PITPNC1: variants seen among roughly 807,000 people sequenced by gnomAD.
PITPNC1 encodes phosphatidylinositol transfer protein cytoplasmic 1, also known as cytoplasmic phosphatidylinositol transfer protein 1.
Under a neutral mutation model 44.7 loss-of-function variants are expected in PITPNC1, and 18 were observed. The ratio of observed to expected loss-of-function variants is 0.40; its 90% confidence interval spans 0.28 to 0.60. The LOEUF (loss-of-function observed/expected upper bound fraction) is 0.60, where lower values mean the gene tolerates loss of function less well. PITPNC1 is among the 20% of genes least tolerant of loss of function. The pLI is 0.39. For missense variants in PITPNC1, 290 were observed against 418.4 expected (o/e 0.69, Z 2.68); for synonymous variants, 141 against 149.6 (o/e 0.94, Z 0.42).
At chr17:67,491,504 G>A (rs2039864468) in intron 1 of PITPNC1, among the ~76,000 whole-genome samples, 3 of 152,180 alleles carry the variant, frequency 2.0e-5, no homozygotes, top group African/African-American at 7.2e-5. Context: ...AGCTGATGTG[G>A]CACAGAGCAC....
chr17:67,480,755 T>G (rs897700093), intron 1 of PITPNC1, among the ~76,000 whole-genome samples: 8 of 152,194 alleles, frequency 5.3e-5, no homozygotes, highest in Non-Finnish European at 1.2e-4. Flanking sequence ...TCTCACATAT[T>G]TTGCCATCAT....
intron 5 of PITPNC1, among the ~76,000 whole-genome samples, chr17:67,579,982 T>C (rs1183352822): frequency 6.6e-6 from 1 of 150,480 alleles, no homozygotes; most frequent in African/African-American, 2.4e-5. Flanking sequence ...ACTTGGAGAA[T>C]GCAAAAAGAA....
intron 1 of PITPNC1, among the ~76,000 whole-genome samples, chr17:67,507,741 CA>C (rs1220438587): frequency 1.3e-5 from 2 of 149,756 alleles, no homozygotes; most frequent in African/African-American, 4.9e-5. Context: ...GCTGGGAGAC[CA>C]GGGGCAGGAG....
intron 5 of PITPNC1, among the ~76,000 whole-genome samples, chr17:67,629,552 C>T (rs2041940021): frequency 6.6e-6 from 1 of 152,226 alleles, no homozygotes; most frequent in African/African-American, 2.4e-5. Context: ...GCTGGGCTTA[C>T]AGGTGTGAGC....
rs188590407 is a variant in PITPNC1, at chr17:67,379,837, C to T, written c.48+1635C>T. On this transcript the variant is annotated intron_variant, in intron 1 of 8. Transcript: ENST00000581322. The stretch of plus-strand genomic sequence containing the variant: ...AGCAATGTTGGGACTGCATGAAATA[C>T]ACAGAAAATTGCAGGTGATAATCAA... Among the ~76,000 whole-genome samples the T allele has an allele frequency of 1.0e-3, 154 of 152,268 alleles. 1 individual carries two copies. The highest frequency in any genetic ancestry group is 3.7e-3 in the African/African-American group (152 of 41,548).
chr17:67,608,629 T>TA (rs1053784061), intron 5 of PITPNC1, among the ~76,000 whole-genome samples: 13 of 151,148 alleles, frequency 8.6e-5, no homozygotes, highest in South Asian at 2.1e-4. Context: ...CAGCTGGGAC[T>TA]ACAGGCATGC....
intron 1 of PITPNC1, among the ~76,000 whole-genome samples, chr17:67,521,263 T>C (rs2040321732): frequency 6.6e-6 from 1 of 152,230 alleles, no homozygotes; most frequent in African/African-American, 2.4e-5. Context: ...CAATACAGTT[T>C]ATATTAGTTT....
chr17:67,378,117 C>G lies in PITPNC1; in HGVS notation c.-38C>G. ...AGCCTTGCTGGTCTTGGGGGCGCCC[C>G]CCGCTTCCCGCCCCGGGGGTCCGCG... On this transcript the variant is annotated 5_prime_UTR_variant, in exon 1 of 9. Transcript: ENST00000581322. The G allele has an allele frequency of 1.3e-6, 2 of 1,489,704 alleles. No homozygotes were observed. The highest frequency in any genetic ancestry group is 2.7e-5 in the East Asian group (1 of 36,364). 92.3% of individuals were successfully genotyped at this position (1,489,704 alleles called of 1,614,324 possible). A position where few individuals can be genotyped will look rare whatever the true frequency, so the allele number is the denominator to read the frequency against.
At chr17:67,606,143 A>C (rs1007068404) in intron 5 of PITPNC1, among the ~76,000 whole-genome samples, 8 of 152,202 alleles carry the variant, frequency 5.3e-5, no homozygotes, top group Admixed American at 2.0e-4. Context: ...TTGATGGAAC[A>C]GTGGGTGATA....
At chr17:67,462,763 C>T (rs774919378) in intron 1 of PITPNC1, among the ~76,000 whole-genome samples, 6 of 137,142 alleles carry the variant, frequency 4.4e-5, no homozygotes, top group Non-Finnish European at 6.1e-5. Flanking sequence ...AGTGCAATGG[C>T]GTGATATCGG....
intron 1 of PITPNC1, among the ~76,000 whole-genome samples, chr17:67,491,697 C>T (rs910401923): frequency 6.6e-6 from 1 of 152,086 alleles, no homozygotes; most frequent in African/African-American, 2.4e-5. Context: ...ATTACCTGGG[C>T]ATGGCATGCC....
chr17:67,608,245 A>AC (rs1446301785), intron 5 of PITPNC1, among the ~76,000 whole-genome samples: 14 of 145,758 alleles, frequency 9.6e-5, no homozygotes, highest in Middle Eastern at 3.5e-3. Flanking sequence ...AAAAAAAAAA[A>AC]ACAAAAAAAA....
In PITPNC1 at chr17:67,488,291, C is replaced by T. The variant is rs191377945; in HGVS notation, c.49-44511C>T. The stretch of plus-strand genomic sequence containing the variant: ...GGCTCATCCTAGGCGTGGAGCGCTT[C>T]GGAATTCACCTCGTGTTGCTTGGAA... On this transcript the variant is annotated intron_variant, in intron 1 of 8. Coordinates refer to ENST00000581322, the MANE Select transcript of PITPNC1 (RefSeq NM_012417.4). Among the ~76,000 whole-genome samples, 469 of 152,280 alleles carry T rather than the reference C, an allele frequency of 3.1e-3. 6 individuals are homozygous for T. The highest frequency in any genetic ancestry group is 4.6e-3 in the Admixed American group (70 of 15,302).
chr17:67,682,347 CCT>C (rs1236422531), intron 8 of PITPNC1, among the ~76,000 whole-genome samples: 1 of 152,124 alleles, frequency 6.6e-6, no homozygotes, highest in East Asian at 1.9e-4. Flanking sequence ...TAACAAATCC[CCT>C]GAGACCAGAG....
chr17:67,650,541 C>T (rs1488039214), intron 6 of PITPNC1, among the ~76,000 whole-genome samples: 1 of 146,880 alleles, frequency 6.8e-6, no homozygotes, highest in African/African-American at 2.5e-5. Context: ...CTCTGCCTCT[C>T]GGGTTTAAGC....
In PITPNC1 at chr17:67,695,093, T is replaced by G. The variant is rs2042988534; in HGVS notation, c.*2205T>G. On this transcript the variant is annotated 3_prime_UTR_variant, in exon 9 of 9. Transcript: ENST00000581322. ...TGCTTTAGGAAGCTAAGTTCTAATT[T>G]CCTTTTGTGAGTTTCATTTCTTTTA... The G allele has an allele frequency of 6.6e-6, 1 of 152,226 alleles. No homozygotes were observed. The highest frequency in any genetic ancestry group is 2.4e-5 in the African/African-American group (1 of 41,452). The allele number at this position is 152,226 out of a possible 1,614,324, so 9.4% of individuals were successfully genotyped here.
chr17:67,392,933 A>G (rs2038160526), intron 1 of PITPNC1, among the ~76,000 whole-genome samples: 1 of 152,012 alleles, frequency 6.6e-6, no homozygotes. Context: ...CATGGTCAGG[A>G]GTTGGCCAAC....
At chr17:67,593,425 A>T (rs1485514411) in intron 5 of PITPNC1, among the ~76,000 whole-genome samples, 1 of 151,376 alleles carries the variant, frequency 6.6e-6, no homozygotes, top group East Asian at 2.0e-4. Context: ...TTTTAGATGG[A>T]GTCACCCTTT....
rs1555649746 is a variant in PITPNC1 at position 67,425,203 on chromosome 17, G to GCACGCACACACACACA, written c.48+47004_48+47005insGCACACACACACACAC. ...CCATGTTGTGCGCGCGCACGCACAC[G>GCACGCACACACACACA]CACACACACACACACACACACACAC... On this transcript the variant is annotated intron_variant, in intron 1 of 8. Transcript: ENST00000581322. Among the ~76,000 whole-genome samples, 53 of 98,778 alleles carry GCACGCACACACACACA rather than the reference G, an allele frequency of 5.4e-4. 4 individuals carry two copies. The highest frequency in any genetic ancestry group is 8.0e-4 in the South Asian group (2 of 2,512). 64.8% of individuals were successfully genotyped at this position (98,778 alleles called of 152,430 possible).
Sources: gnomAD v4.1 joint callset for allele counts (sites outside exome capture counted in the v4.1 genomes callset) on GRCh38, gnomAD v4.1.1 for gene constraint, MANE v1.5 for transcripts, NCBI Gene and HGNC (gene_info 2026-07-23, HGNC 2026-07-21) for gene names.